KHDRBS2: variants seen among roughly 807,000 people sequenced by gnomAD.
KHDRBS2 encodes the protein KH RNA binding domain containing, signal transduction associated 2.
A neutral mutation model predicts 44.3 loss-of-function variants in KHDRBS2; 26 were observed. The observed-to-expected ratio is 0.59, with a 90% confidence interval of 0.43 to 0.81. KHDRBS2 has a LOEUF of 0.81. Among genes scored for constraint, KHDRBS2 ranks in the 40% least tolerant of loss-of-function variants. The pLI is 0.00. For synonymous variants in KHDRBS2, 194 were observed against 151.1 expected (o/e 1.28, Z -2.08); for missense variants, 476 against 433.1 (o/e 1.10, Z -0.88).
intron 2 of KHDRBS2, among the ~76,000 whole-genome samples, chr6:62,095,534 A>G (rs1321153520): frequency 2.6e-5 from 4 of 151,864 alleles, no homozygotes; most frequent in Non-Finnish European, 4.4e-5. Context: ...TTAGAAGACT[A>G]TATCAACTAA....
At position 62,028,526 on chromosome 6, in the gene KHDRBS2, A is replaced by G. The variant is rs1344126546; in HGVS notation, c.336+19352T>C. On this transcript the variant is annotated intron_variant, in intron 3 of 8. Transcript: ENST00000281156. ...TTTGTGCTTATACATGGTAAATGTA[A>G]TATTCTTATGGCCAGTATATAATTA... is the stretch of plus-strand genomic sequence containing the variant. Among the ~76,000 whole-genome samples, 8 of 152,086 alleles carry G rather than the reference A, an allele frequency of 5.3e-5. 1 individual carries two copies. The highest frequency in any genetic ancestry group is 5.2e-4 in the Admixed American group (8 of 15,252).
At chr6:62,062,681 G>T (rs1477193892) in intron 2 of KHDRBS2, among the ~76,000 whole-genome samples, 1 of 148,408 alleles carries the variant, frequency 6.7e-6, no homozygotes, top group Non-Finnish European at 1.5e-5. Flanking sequence ...AAGCAGGAAA[G>T]ATCCAAAATT....
At chr6:62,207,771 T>C (rs1828261064) in intron 1 of KHDRBS2, among the ~76,000 whole-genome samples, 1 of 152,106 alleles carries the variant, frequency 6.6e-6, no homozygotes, top group Admixed American at 6.6e-5. Flanking sequence ...ATACTGGATT[T>C]TTTAAAAAAT....
the KHDRBS2 span, among the ~76,000 whole-genome samples, chr6:61,570,254 C>T: frequency 1.3e-5 from 2 of 152,054 alleles, no homozygotes; most frequent in African/African-American, 2.4e-5. Flanking sequence ...ATGAAAGACA[C>T]ATTCAGTGAA....
At chr6:61,576,939 C>T in the KHDRBS2 span, among the ~76,000 whole-genome samples, 1 of 152,106 alleles carries the variant, frequency 6.6e-6, no homozygotes, top group African/African-American at 2.4e-5. Flanking sequence ...GATCACTGTA[C>T]ATTGTTGCCT....
chr6:61,744,758 A>G (rs1411492391), intron 6 of KHDRBS2, among the ~76,000 whole-genome samples: 1 of 151,778 alleles, frequency 6.6e-6, no homozygotes, highest in Non-Finnish European at 1.5e-5. Context: ...CTAGAGTTCT[A>G]TATAACATTT....
intron 4 of KHDRBS2, among the ~76,000 whole-genome samples, chr6:61,944,736 T>C (rs1812847770): frequency 6.6e-6 from 1 of 152,046 alleles, no homozygotes; most frequent in South Asian, 2.1e-4. Context: ...CATTACACAG[T>C]CTTGTATGTA....
chr6:61,705,113 A>AATATCAATCTATG (rs1195084628), intron 7 of KHDRBS2, among the ~76,000 whole-genome samples: 3 of 151,960 alleles, frequency 2.0e-5, no homozygotes, highest in Admixed American at 2.0e-4. Flanking sequence ...GGAGGCCCAA[A>AATATCAATCTATG]CTCAAATGCA....
chr6:61,901,148 ATGT>A lies in KHDRBS2; in HGVS notation c.611+93_611+95del. On this transcript the variant is annotated intron_variant, in intron 5 of 8. Transcript: ENST00000281156. ...GCTGTGGTGGTAGTGATTGTGGCTG[ATGT>A]TGTTGTTTACTGCTAGTGATAATCA... The A allele has an allele frequency of 3.5e-6, 4 of 1,150,488 alleles. No individual in the cohort carries two copies. In the South Asian group the frequency reaches 4.5e-5, roughly 13 times the overall value. 71.3% of individuals were successfully genotyped at this position (1,150,488 alleles called of 1,614,324 possible). A position where few individuals can be genotyped will look rare whatever the true frequency, so the allele number is the denominator to read the frequency against.
At chr6:61,575,870 A>G in the KHDRBS2 span, among the ~76,000 whole-genome samples, 1 of 152,168 alleles carries the variant, frequency 6.6e-6, no homozygotes, top group African/African-American at 2.4e-5. Flanking sequence ...ACCAAATATC[A>G]TATGTTCTCA....
At chr6:61,629,587 C>A in the KHDRBS2 span, among the ~76,000 whole-genome samples, 1 of 152,092 alleles carries the variant, frequency 6.6e-6, no homozygotes, top group Non-Finnish European at 1.5e-5. Context: ...AAGATAAAGT[C>A]CTATAAGTGA....
Position 61,967,963 on chromosome 6 carries a change from C to T in KHDRBS2, c.483+10103G>A, listed in dbSNP as rs1229112329. 3.4e-5 allele frequency among the ~76,000 whole-genome samples: 5 copies of T among 146,360 alleles called. 1 individual carries two copies. In the East Asian group the frequency reaches 6.0e-4, roughly 18 times the overall value. ...ATATATATATATATATATATACACACACACACACATGCACACACACACATA... is the reference window on the plus strand; with the variant it reads ...ATATATATATATATATATATACACATACACACACATGCACACACACACATA... On this transcript the variant is annotated intron_variant, in intron 4 of 8. Transcript: ENST00000281156.
At chr6:61,780,489 T>C (rs1164367846) in intron 6 of KHDRBS2, among the ~76,000 whole-genome samples, 2 of 152,250 alleles carry the variant, frequency 1.3e-5, no homozygotes, top group South Asian at 2.1e-4. Context: ...AGACTCTTTC[T>C]GGAAGAGTCA....
At chr6:62,007,535 C>A (rs980181144) in intron 3 of KHDRBS2, among the ~76,000 whole-genome samples, 4 of 151,906 alleles carry the variant, frequency 2.6e-5, no homozygotes, top group African/African-American at 9.7e-5. Flanking sequence ...AATTATCATG[C>A]AAACTTTAAT....
At chr6:61,577,038 G>C in the KHDRBS2 span, among the ~76,000 whole-genome samples, 1 of 151,982 alleles carries the variant, frequency 6.6e-6, no homozygotes, top group Non-Finnish European at 1.5e-5. Flanking sequence ...ACTGTATTGT[G>C]GGTAGAATCT....
chr6:61,957,732 T>A (rs1406908665), intron 4 of KHDRBS2, among the ~76,000 whole-genome samples: 1 of 152,192 alleles, frequency 6.6e-6, no homozygotes. Flanking sequence ...GGTCCTGTGA[T>A]CTCACCCTGC....
chr6:61,930,202 G>A (rs1046901347), intron 4 of KHDRBS2, among the ~76,000 whole-genome samples: 3 of 152,042 alleles, frequency 2.0e-5, no homozygotes, highest in Admixed American at 1.3e-4. Context: ...CAACAAACCT[G>A]CAGGCACCTT....
intron 6 of KHDRBS2, among the ~76,000 whole-genome samples, chr6:61,741,788 C>A (rs546227484): frequency 4.0e-5 from 6 of 151,820 alleles, no homozygotes; most frequent in Non-Finnish European, 8.8e-5. Context: ...TAAGTCATTG[C>A]GGCTTCTAGA....
intron 4 of KHDRBS2, among the ~76,000 whole-genome samples, chr6:61,945,635 T>G (rs1341332281): frequency 1.3e-5 from 2 of 151,164 alleles, no homozygotes; most frequent in Non-Finnish European, 3.0e-5. Context: ...TGGATTTAAT[T>G]TTATACATCT....
Sources: gnomAD v4.1 joint callset for allele counts (sites outside exome capture counted in the v4.1 genomes callset) on GRCh38, gnomAD v4.1.1 for gene constraint, MANE v1.5 for transcripts, NCBI Gene and HGNC (gene_info 2026-07-23, HGNC 2026-07-21) for gene names.